Variants in PDE10A observed in about 807,000 individuals in gnomAD.
The protein encoded by PDE10A is phosphodiesterase 10A, also known as cAMP and cAMP-inhibited cGMP 3',5'-cyclic phosphodiesterase 10A.
A neutral mutation model predicts 97.7 loss-of-function variants in PDE10A; 39 were observed. The ratio of observed to expected loss-of-function variants is 0.40; its 90% confidence interval spans 0.31 to 0.52. PDE10A has a LOEUF of 0.52. Ranked by LOEUF, PDE10A falls within the 20% of genes least tolerant of loss-of-function variation. The pLI is 0.56. For synonymous variants in PDE10A, 371 were observed against 376.8 expected, an observed-to-expected ratio of 0.98 and a Z score of 0.18; for missense variants, 731 against 1,047.8, an observed-to-expected ratio of 0.70 and a Z score of 4.17.
chr6:165,695,223 A>G (rs2128442606), intron 1 of PDE10A, among the ~76,000 whole-genome samples: 1 of 151,508 alleles, frequency 6.6e-6, no homozygotes, highest in Non-Finnish European at 1.5e-5. Context: ...AAAAAAAAAA[A>G]GAAAGAAAAG....
chr6:165,346,736 C>T (rs545762193), intron 18 of PDE10A, among the ~76,000 whole-genome samples: 1 of 152,308 alleles, frequency 6.6e-6, no homozygotes, highest in East Asian at 1.9e-4. Flanking sequence ...ACGCCACACA[C>T]TCTGTAAACC....
chr6:165,564,088 C>T (rs1332464568), intron 1 of PDE10A, among the ~76,000 whole-genome samples: 2 of 152,114 alleles, frequency 1.3e-5, no homozygotes, highest in Admixed American at 1.3e-4. Context: ...AGCCACAAAA[C>T]CCTTGGCTGG....
At chr6:165,654,329 C>T (rs775190470) in intron 1 of PDE10A, among the ~76,000 whole-genome samples, 15 of 152,284 alleles carry the variant, frequency 9.9e-5, no homozygotes, top group African/African-American at 1.9e-4. Flanking sequence ...ACCTGGCAGC[C>T]GGCCTCCCGC....
At chr6:165,497,522 T>C (rs1278927143) in intron 2 of PDE10A, among the ~76,000 whole-genome samples, 1 of 152,184 alleles carries the variant, frequency 6.6e-6, no homozygotes, top group Non-Finnish European at 1.5e-5. Flanking sequence ...ATATCATATA[T>C]AAATTGGATT....
intron 1 of PDE10A, among the ~76,000 whole-genome samples, chr6:165,823,505 T>TGAACCTTA (rs1562754412): frequency 8.2e-5 from 8 of 98,020 alleles, no homozygotes; most frequent in Non-Finnish European, 1.5e-4. Flanking sequence ...TATATATATA[T>TGAACCTTA]ATATATATAT....
At chr6:165,724,869 C>T (rs922982410) in intron 1 of PDE10A, among the ~76,000 whole-genome samples, 1 of 152,178 alleles carries the variant, frequency 6.6e-6, no homozygotes, top group South Asian at 2.1e-4. Context: ...ACAGCAGAGG[C>T]AGGTTCCCTG....
intron 1 of PDE10A, among the ~76,000 whole-genome samples, chr6:165,889,203 T>C (rs1446023242): frequency 1.3e-5 from 2 of 152,196 alleles, no homozygotes; most frequent in African/African-American, 4.8e-5. Flanking sequence ...TTGGGATTGA[T>C]ATCATGCAGG....
intron 1 of PDE10A, among the ~76,000 whole-genome samples, chr6:165,603,528 C>T (rs797014148): frequency 4.6e-5 from 7 of 152,314 alleles, no homozygotes; most frequent in African/African-American, 1.4e-4. Flanking sequence ...GAAGTCTTCC[C>T]GAAAGCATTC....
Position 165,416,364 on chromosome 6 carries a change from T to G in PDE10A, c.1797-83A>C, listed in dbSNP as rs575559228. The G allele has an allele frequency of 3.3e-6, 3 of 919,190 alleles. No individual in the cohort carries two copies. The Admixed American group carries it at 5.3e-5, about 16-fold the overall frequency. 56.9% of individuals were successfully genotyped at this position (919,190 alleles called of 1,614,324 possible). A position where few individuals can be genotyped will look rare whatever the true frequency, so the allele number is the denominator to read the frequency against. ...CAAAAATATTCCATTGTTAATAATA[T>G]TGAATTAAAAGCACTGTTTTACTTA... On this transcript the variant is annotated intron_variant, in intron 11 of 21. Coordinates refer to ENST00000539869, the MANE Select transcript of PDE10A (RefSeq NM_001385079.1).
At chr6:165,824,096 T>C (rs1779657113) in intron 1 of PDE10A, among the ~76,000 whole-genome samples, 1 of 152,234 alleles carries the variant, frequency 6.6e-6, no homozygotes, top group Non-Finnish European at 1.5e-5. Flanking sequence ...AATGTCCTGG[T>C]GACTCAGTCA....
chr6:165,683,882 C>A (rs1173299049), intron 1 of PDE10A, among the ~76,000 whole-genome samples: 2 of 152,154 alleles, frequency 1.3e-5, no homozygotes, highest in African/African-American at 4.8e-5. Context: ...GTCCTAGGAA[C>A]CCCCAGGCAT....
intron 1 of PDE10A, among the ~76,000 whole-genome samples, chr6:165,647,114 G>T (rs1789440337): frequency 6.6e-6 from 1 of 152,292 alleles, no homozygotes; most frequent in South Asian, 2.1e-4. Flanking sequence ...AAAGAAAACT[G>T]TGATGCATGT....
chr6:165,428,993 T>C (rs907961328), intron 9 of PDE10A, among the ~76,000 whole-genome samples: 1 of 152,108 alleles, frequency 6.6e-6, no homozygotes, highest in African/African-American at 2.4e-5. Context: ...AGAAAGTCTG[T>C]TGCATTTAAC....
intron 1 of PDE10A, among the ~76,000 whole-genome samples, chr6:165,961,194 T>G: frequency 6.6e-6 from 1 of 152,184 alleles, no homozygotes; most frequent in Non-Finnish European, 1.5e-5. Flanking sequence ...CTTTAAAAGC[T>G]GTCACTTAAA....
At chr6:165,833,449 T>G (rs1467378919) in intron 1 of PDE10A, among the ~76,000 whole-genome samples, 2 of 152,272 alleles carry the variant, frequency 1.3e-5, no homozygotes, top group Non-Finnish European at 2.9e-5. Context: ...TTTGCAGGCA[T>G]GGAAGACAAT....
intron 1 of PDE10A, among the ~76,000 whole-genome samples, chr6:165,680,142 C>A (rs887668020): frequency 6.6e-6 from 1 of 151,960 alleles, no homozygotes; most frequent in African/African-American, 2.4e-5. Context: ...AGCCATGGAT[C>A]GTGAGCTCTC....
intron 1 of PDE10A, among the ~76,000 whole-genome samples, chr6:165,772,522 C>G (rs1297457269): frequency 6.6e-6 from 1 of 152,120 alleles, no homozygotes; most frequent in Non-Finnish European, 1.5e-5. Context: ...CCCGCGTTGC[C>G]ATGGGGTCAT....
intron 13 of PDE10A, among the ~76,000 whole-genome samples, chr6:165,407,692 C>T (rs577332982): frequency 2.0e-5 from 3 of 152,306 alleles, no homozygotes; most frequent in South Asian, 2.1e-4. Context: ...TGTTAAATGT[C>T]TTTCTATCCA....
At chr6:165,427,934 T>A (rs1174834662) in intron 10 of PDE10A, among the ~76,000 whole-genome samples, 1 of 152,148 alleles carries the variant, frequency 6.6e-6, no homozygotes, top group African/African-American at 2.4e-5. Context: ...TCTAATTACC[T>A]TTAGTAAACT....
Sources: gnomAD v4.1 joint callset for allele counts (sites outside exome capture counted in the v4.1 genomes callset) on GRCh38, gnomAD v4.1.1 for gene constraint, MANE v1.5 for transcripts, NCBI Gene and HGNC (gene_info 2026-07-23, HGNC 2026-07-21) for gene names.